The following TMA16 variants were observed in gnomAD, a reference collection of about 807,000 sequenced individuals.
TMA16 encodes the protein translation machinery associated 16 homolog.
TMA16 carries 26 observed loss-of-function variants against 27.1 expected under a neutral mutation model. The ratio of observed to expected loss-of-function variants is 0.96; its 90% CI spans 0.70 to 1.33. The LOEUF (loss-of-function observed/expected upper bound fraction) is 1.33, where lower values mean the gene tolerates loss of function less well. Among genes scored for constraint, TMA16 ranks in the 40% most tolerant of loss-of-function variants. TMA16 has a pLI of 0.00. For missense variants in TMA16, 233 were observed against 241.4 expected (o/e 0.97, Z 0.23); for synonymous variants, 71 against 81.9 (o/e 0.87, Z 0.72).
In TMA16 at chr4:163,515,481, A is replaced by T. The variant is rs767205658; in HGVS notation, c.388+20A>T. On this transcript the variant is annotated intron_variant, in intron 5 of 6. Coordinates refer to ENST00000358572, the MANE Select transcript of TMA16 (RefSeq NM_018352.3). ...GCCTTGGTGTGCTCACTGATTTTTT[A>T]TTTTCCTTTTATATGACATAGCAGT... The T allele has an allele frequency of 1.9e-6, 3 of 1,599,356 alleles. No homozygotes were observed. Among genetic ancestry groups the T allele is most frequent in the African/African-American group, 1.4e-5 (1 of 73,898 alleles).
chr4:163,503,205 A>G (rs1002463349), intron 1 of TMA16, among the ~76,000 whole-genome samples: 2 of 152,164 alleles, frequency 1.3e-5, no homozygotes, highest in South Asian at 4.1e-4. Flanking sequence ...CGTTTCCCAG[A>G]AAGTATCCCT....
chr4:163,515,280 G>C (rs1249854131), intron 4 of TMA16, 33 bp from the exon 5 acceptor site: 2 of 1,587,154 alleles, frequency 1.3e-6, no homozygotes, highest in African/African-American at 2.7e-5. Context: ...CATATACTTT[G>C]TATGTAACAC....
At chr4:163,499,615 C>T (rs958870408) in intron 1 of TMA16, among the ~76,000 whole-genome samples, 3 of 151,984 alleles carry the variant, frequency 2.0e-5, no homozygotes, top group South Asian at 2.1e-4. Context: ...AAAATGGTGT[C>T]GTTTTTGCGT....
At chr4:163,501,434 TAAAG>T (rs1737649890) in intron 1 of TMA16, among the ~76,000 whole-genome samples, 1 of 152,242 alleles carries the variant, frequency 6.6e-6, no homozygotes, top group Admixed American at 6.5e-5. Flanking sequence ...TGACTGAAGT[TAAAG>T]AGAGTTAAAA....
intron 4 of TMA16, 37 bp from the exon 5 acceptor site, chr4:163,515,276 C>G: frequency 6.3e-7 from 1 of 1,580,492 alleles, no homozygotes; most frequent in Non-Finnish European, 8.6e-7. Context: ...AATACATATA[C>G]TTTGTATGTA....
chr4:163,511,563 T>A (rs1329843663), intron 2 of TMA16, among the ~76,000 whole-genome samples: 1 of 151,658 alleles, frequency 6.6e-6, no homozygotes, highest in Non-Finnish European at 1.5e-5. Context: ...GTAATCCCAG[T>A]GCTTTGGGAG....
chr4:163,498,063 C>T (rs1284514268), intron 1 of TMA16, among the ~76,000 whole-genome samples: 10 of 152,208 alleles, frequency 6.6e-5, no homozygotes, highest in African/African-American at 2.4e-4. Context: ...TCTTATAGAT[C>T]TATGTAAGTA....
chr4:163,515,410 A>G lies in TMA16; in HGVS notation c.337A>G (p.Ile113Val), dbSNP rs1366201658. The G allele has an allele frequency of 6.2e-7, 1 of 1,614,002 alleles. No homozygotes were observed. Among genetic ancestry groups the G allele is most frequent in the African/African-American group, 1.3e-5 (1 of 74,920 alleles). The change falls in exon 5 of 7, where the codon ATC (isoleucine) becomes GTC (valine). Residue 113 changes from isoleucine to valine, a missense_variant. By Grantham distance (29) the Ile-to-Val change is conservative. Transcript: ENST00000358572. ...GCGGCACTGTTCCCGGGAGACCGTC[A>G]TCAAGCAGACGATGGAGCGGGAGCG... is the stretch of plus-strand genomic sequence containing the variant. ...GRRHCSRETV[I>V]KQTMERERQQ...
chr4:163,501,394 C>T (rs1341204209), intron 1 of TMA16, among the ~76,000 whole-genome samples: 2 of 152,174 alleles, frequency 1.3e-5, no homozygotes, highest in Non-Finnish European at 2.9e-5. Context: ...TCTCTTTAAA[C>T]TCTTCTTTCA....
Position 163,507,949 on chromosome 4 carries a change from C to T in TMA16, c.116+804C>T, listed in dbSNP as rs1239335281. Among the ~76,000 whole-genome samples, 2 of 151,378 alleles carry T rather than the reference C, an allele frequency of 1.3e-5. 1 individual carries two copies. The highest frequency in any genetic ancestry group is 1.3e-4 in the Admixed American group (2 of 15,122). ...ATGTTGATTCTTTGCTTAAGATAAGCTTTATATAGTAAAGGTTACCTGTTT... is the reference window on the plus strand; with the variant it reads ...ATGTTGATTCTTTGCTTAAGATAAGTTTTATATAGTAAAGGTTACCTGTTT... On this transcript the variant is annotated intron_variant, in intron 2 of 6. Transcript: ENST00000358572.
chr4:163,512,002 G>C (rs921442616), intron 2 of TMA16, among the ~76,000 whole-genome samples: 2 of 151,168 alleles, frequency 1.3e-5, no homozygotes, highest in Non-Finnish European at 2.9e-5. Flanking sequence ...TACCATTCCC[G>C]TAGTCCCTAT....
At chr4:163,513,600 A>G (rs1423448119) in intron 3 of TMA16, among the ~76,000 whole-genome samples, 1 of 152,196 alleles carries the variant, frequency 6.6e-6, no homozygotes, top group South Asian at 2.1e-4. Flanking sequence ...GGCCCTGGAC[A>G]GGTCATTTAA....
chr4:163,500,572 G>C (rs1453103520), intron 1 of TMA16, among the ~76,000 whole-genome samples: 1 of 152,104 alleles, frequency 6.6e-6, no homozygotes, highest in Non-Finnish European at 1.5e-5. Context: ...TGGTCATGGT[G>C]GTTGGTGGAT....
At position 163,519,784 on chromosome 4, in the gene TMA16, C is replaced by A. The variant is rs567332467; in HGVS notation, c.*270C>A. 7 of 497,742 alleles carry A rather than the reference C, an allele frequency of 1.4e-5. No individual in the cohort carries two copies. Among genetic ancestry groups the A allele is most frequent in the Non-Finnish European group, 2.4e-5 (7 of 286,590 alleles). 30.8% of individuals were successfully genotyped at this position (497,742 alleles called of 1,614,324 possible). A position where few individuals can be genotyped will look rare whatever the true frequency, so the allele number is the denominator to read the frequency against. On this transcript the variant is annotated 3_prime_UTR_variant, in exon 7 of 7. Transcript: ENST00000358572. ...TTCAGGCTGGGAGGGAGCAATATAACTAAGGACAAAAAATGTTTTGTTTTT... is the reference window on the plus strand; with the variant it reads ...TTCAGGCTGGGAGGGAGCAATATAAATAAGGACAAAAAATGTTTTGTTTTT...
chr4:163,501,142 A>G (rs1165674709), intron 1 of TMA16, among the ~76,000 whole-genome samples: 1 of 152,156 alleles, frequency 6.6e-6, no homozygotes, highest in Admixed American at 6.5e-5. Context: ...GACTATGCTT[A>G]CTGTTATCTC....
chr4:163,514,992 TG>T (rs939544968), intron 4 of TMA16, among the ~76,000 whole-genome samples: 2 of 145,178 alleles, frequency 1.4e-5, no homozygotes, highest in Non-Finnish European at 3.0e-5. Flanking sequence ...GGGGGTTTGG[TG>T]GGGGGTAGGT....
intron 1 of TMA16, among the ~76,000 whole-genome samples, chr4:163,496,501 A>C (rs1233085676): frequency 1.3e-5 from 2 of 152,200 alleles, no homozygotes; most frequent in African/African-American, 4.8e-5. Context: ...TTATATCAAA[A>C]TTTAGTTTAC....
At chr4:163,509,250 C>T (rs984752888) in intron 2 of TMA16, among the ~76,000 whole-genome samples, 1 of 152,092 alleles carries the variant, frequency 6.6e-6, no homozygotes, top group African/African-American at 2.4e-5. Flanking sequence ...CTGCTGATTC[C>T]CTGCCCCATT....
intron 1 of TMA16, among the ~76,000 whole-genome samples, chr4:163,505,855 A>T (rs141911761): frequency 6.6e-6 from 1 of 152,364 alleles, no homozygotes; most frequent in East Asian, 1.9e-4. Context: ...TATCCTGATT[A>T]TGAAAGATTC....
Sources: gnomAD v4.1 joint callset for allele counts (sites outside exome capture counted in the v4.1 genomes callset) on GRCh38, gnomAD v4.1.1 for gene constraint, MANE v1.5 for transcripts, NCBI Gene and HGNC (gene_info 2026-07-23, HGNC 2026-07-21) for gene names.